Variants in TMPRSS15 observed in about 807,000 individuals in gnomAD.
TMPRSS15 encodes the protein transmembrane serine protease 15.
In TMPRSS15, 128 loss-of-function variants were observed where a neutral mutation model predicts 125.3. The ratio of observed to expected loss-of-function variants is 1.02; its 90% CI spans 0.89 to 1.18. The LOEUF (loss-of-function observed/expected upper bound fraction) is 1.18, where lower values mean the gene tolerates loss of function less well. Among genes scored for constraint, TMPRSS15 ranks in the 50% most tolerant of loss-of-function variants. The pLI is 0.00. For missense variants in TMPRSS15, 1,283 were observed against 1,212.7 expected (o/e 1.06, Z -0.86); for synonymous variants, 446 against 423.2 (o/e 1.05, Z -0.66).
rs776466028 is a variant in TMPRSS15 at position 18,332,158 on chromosome 21, G to T, written c.1580C>A (p.Pro527His). The T allele has an allele frequency of 1.2e-6, 2 of 1,614,070 alleles. No individual in the cohort carries two copies. The highest frequency in any genetic ancestry group is 1.7e-6 in the Non-Finnish European group (2 of 1,179,928). Residue 527 changes from proline (P) to histidine (H), a missense_variant, in exon 14 of 25, where the codon CCT (proline) becomes CAT (histidine). Coordinates refer to ENST00000284885, the MANE Select transcript of TMPRSS15 (RefSeq NM_002772.3). ...PPELPTDCGG[P>H]FELWEPNTTF... ...TGTATTTGGCTCCCACAGCTCAAAA[G>T]GTCCTCCACAGTCCGCTGAAAAGGA...
At chr21:18,284,132 A>G (rs1477625004) in intron 21 of TMPRSS15, among the ~76,000 whole-genome samples, 1 of 152,150 alleles carries the variant, frequency 6.6e-6, no homozygotes, top group East Asian at 1.9e-4. Flanking sequence ...AGCACCATGG[A>G]TAGGAAAAAT....
chr21:18,452,624 C>G (rs369097583), intron 1 of TMPRSS15, among the ~76,000 whole-genome samples: 1 of 152,144 alleles, frequency 6.6e-6, no homozygotes, highest in Non-Finnish European at 1.5e-5. Context: ...TGAGCTGTGA[C>G]AGCATCAGTA....
intron 24 of TMPRSS15, among the ~76,000 whole-genome samples, chr21:18,272,943 G>A (rs1002695600): frequency 6.6e-6 from 1 of 152,104 alleles, no homozygotes; most frequent in Non-Finnish European, 1.5e-5. Context: ...ATACTTTAGT[G>A]TGCATCAGAA....
chr21:18,435,259 C>A (rs2076225288), intron 1 of TMPRSS15, among the ~76,000 whole-genome samples: 1 of 152,114 alleles, frequency 6.6e-6, no homozygotes, highest in Non-Finnish European at 1.5e-5. Context: ...ATGATATTGG[C>A]TGTGGGTTTT....
intron 10 of TMPRSS15, among the ~76,000 whole-genome samples, chr21:18,349,782 C>T (rs953710708): frequency 6.6e-6 from 1 of 152,128 alleles, no homozygotes; most frequent in African/African-American, 2.4e-5. Flanking sequence ...TCAGACCCGA[C>T]TATTTAAAAC....
At chr21:18,342,450 AACAAAATGGC>A (rs2075457889) in intron 12 of TMPRSS15, among the ~76,000 whole-genome samples, 2 of 152,204 alleles carry the variant, frequency 1.3e-5, no homozygotes, top group Non-Finnish European at 2.9e-5. Flanking sequence ...ATGATTTCAC[AACAAAATGGC>A]AAAGCCAAAG....
At chr21:18,399,558 C>G (rs191370348) in intron 1 of TMPRSS15, among the ~76,000 whole-genome samples, 2 of 152,008 alleles carry the variant, frequency 1.3e-5, no homozygotes, top group African/African-American at 4.8e-5. Flanking sequence ...ATAACTAAAT[C>G]TTATATAGGA....
intron 16 of TMPRSS15, among the ~76,000 whole-genome samples, chr21:18,320,685 C>T (rs936521518): frequency 1.3e-5 from 2 of 152,130 alleles, no homozygotes; most frequent in Non-Finnish European, 2.9e-5. Flanking sequence ...ATGGGGAAAA[C>T]TGATCTATTG....
In TMPRSS15 at chr21:18,297,729, C is replaced by A. The variant is rs1220910752; in HGVS notation, c.2261+5G>T. 5 of 1,609,186 alleles carry A rather than the reference C, an allele frequency of 3.1e-6. No individual in the cohort carries two copies. Among genetic ancestry groups the A allele is most frequent in the South Asian group, 1.1e-5 (1 of 90,980 alleles). ...ACTAGTCTAAGAACAGATTTAGGGA[C>A]CCACCTGGGTGTTAGTATTAAGTGG... On this transcript the variant is annotated splice_donor_5th_base_variant and intron_variant, in intron 19 of 24. Transcript: ENST00000284885.
At chr21:18,439,149 C>G (rs1478372760) in intron 1 of TMPRSS15, among the ~76,000 whole-genome samples, 1 of 152,196 alleles carries the variant, frequency 6.6e-6, no homozygotes, top group Non-Finnish European at 1.5e-5. Flanking sequence ...ATATTCATCT[C>G]TGTATTTGCT....
At position 18,444,223 on chromosome 21, in the gene TMPRSS15, G is replaced by A. The variant is rs190264651; in HGVS notation, c.10+41576C>T. ...GCACTATTCACAATAGCAAAGATAC[G>A]GAATCAACCTAAATGCCCATTAACG... On this transcript the variant is annotated intron_variant, in intron 1 of 7. Coordinates refer to the TMPRSS15 transcript ENST00000422787. Among the ~76,000 whole-genome samples the A allele has an allele frequency of 5.1e-4, 78 of 152,212 alleles. No homozygotes were observed. In the Middle Eastern group the frequency reaches 0.01, roughly 20 times the overall value.
intron 1 of TMPRSS15, among the ~76,000 whole-genome samples, chr21:18,430,233 C>A (rs2076213677): frequency 6.6e-6 from 1 of 152,072 alleles, no homozygotes; most frequent in Non-Finnish European, 1.5e-5. Flanking sequence ...TTAGTGACAC[C>A]TTTTTCTATC....
chr21:18,481,346 C>A (rs1407960486), intron 1 of TMPRSS15, among the ~76,000 whole-genome samples: 1 of 151,664 alleles, frequency 6.6e-6, no homozygotes, highest in Non-Finnish European at 1.5e-5. Flanking sequence ...AGACTCCAAC[C>A]CACAGCATTA....
intron 1 of TMPRSS15, among the ~76,000 whole-genome samples, chr21:18,446,487 G>C (rs1333605097): frequency 6.6e-6 from 1 of 152,020 alleles, no homozygotes; most frequent in Non-Finnish European, 1.5e-5. Flanking sequence ...ACCTCAAATA[G>C]CCAAAGCAAT....
chr21:18,287,094 G>C (rs2074773846), intron 21 of TMPRSS15, among the ~76,000 whole-genome samples: 1 of 152,086 alleles, frequency 6.6e-6, no homozygotes, highest in Non-Finnish European at 1.5e-5. Context: ...ATGTATCACT[G>C]CTAAAGTATT....
intron 13 of TMPRSS15, among the ~76,000 whole-genome samples, chr21:18,337,803 G>T (rs2075406663): frequency 6.6e-6 from 1 of 152,138 alleles, no homozygotes. Context: ...ACAAGTCATT[G>T]ATCTGGAACC....
At chr21:18,467,062 T>C (rs897590518) in intron 1 of TMPRSS15, among the ~76,000 whole-genome samples, 6 of 152,140 alleles carry the variant, frequency 3.9e-5, no homozygotes, top group African/African-American at 1.2e-4. Context: ...ATATACACCA[T>C]GGAATACTAT....
intron 1 of TMPRSS15, among the ~76,000 whole-genome samples, chr21:18,461,440 G>T (rs1358717985): frequency 6.6e-6 from 1 of 151,742 alleles, no homozygotes; most frequent in Non-Finnish European, 1.5e-5. Flanking sequence ...AAAATCCCTA[G>T]TGTTTCAGTA....
intron 1 of TMPRSS15, among the ~76,000 whole-genome samples, chr21:18,433,282 A>C (rs900328805): frequency 3.3e-5 from 5 of 152,152 alleles, no homozygotes; most frequent in East Asian, 3.9e-4. Flanking sequence ...CAGGAACAGC[A>C]AATTAAAACC....
Sources: allele counts gnomAD v4.1 joint callset (sites outside exome capture counted in the v4.1 genomes callset), GRCh38; gene constraint gnomAD v4.1.1; transcripts MANE v1.5; gene names NCBI Gene and HGNC (gene_info 2026-07-23, HGNC 2026-07-21).